Variants in GLCCI1 observed in about 807,000 individuals in gnomAD.
The protein encoded by GLCCI1 is glucocorticoid-induced transcript 1 protein.
A neutral mutation model predicts 52.2 loss-of-function variants in GLCCI1; 24 were observed. The ratio of observed to expected loss-of-function variants is 0.46; its 90% CI spans 0.33 to 0.65. GLCCI1 has a LOEUF of 0.65. Ranked by LOEUF, GLCCI1 falls within the 30% of genes least tolerant of loss-of-function variation. The probability of loss-of-function intolerance (pLI) is 0.02; values close to 1 mark genes in which losing one functional copy is unlikely to be tolerated. For missense variants in GLCCI1, 704 were observed against 701.5 expected (o/e 1.00, Z -0.04); for synonymous variants, 310 against 276.5 (o/e 1.12, Z -1.20).
Position 8,086,749 on chromosome 7 carries a change from A to C in GLCCI1, c.*211A>C, listed in dbSNP as rs1783115612. The C allele has an allele frequency of 1.8e-6, 1 of 546,696 alleles. No homozygotes were observed. Among genetic ancestry groups the C allele is most frequent in the Non-Finnish European group, 3.2e-6 (1 of 311,424 alleles). 33.9% of individuals were successfully genotyped at this position (546,696 alleles called of 1,614,324 possible). A position where few individuals can be genotyped will look rare whatever the true frequency, so the allele number is the denominator to read the frequency against. ...GTAATGCTTGCAAAACGTGTGTGTC[A>C]TTCAGCATTTTAAGTGGAGACTATG... On this transcript the variant is annotated 3_prime_UTR_variant, in exon 8 of 8. Transcript: ENST00000223145. The surrounding 1 kb of genome is among the most constrained non-coding windows in gnomAD (Gnocchi z 4.4).
intron 4 of GLCCI1, 139 bp from the exon 5 acceptor site, chr7:8,059,957 T>A (rs374206257): frequency 3.0e-6 from 2 of 668,822 alleles, no homozygotes; most frequent in Non-Finnish European, 2.5e-6. Flanking sequence ...TTTCTATATG[T>A]GCACCTGAAT....
At chr7:7,979,532 G>T (rs67343471) in intron 1 of GLCCI1, among the ~76,000 whole-genome samples, 18,250 of 151,842 alleles carry the variant, frequency 0.12, 1,860 homozygotes, top group African/African-American at 0.28. Flanking sequence ...ATATTAATTG[G>T]TTCATCCTAT....
chr7:8,030,790 A>G (rs1460090372), intron 3 of GLCCI1, among the ~76,000 whole-genome samples: 1 of 152,172 alleles, frequency 6.6e-6, no homozygotes, highest in Non-Finnish European at 1.5e-5. Flanking sequence ...AAAGGTGCTC[A>G]GCATCATTGA....
chr7:8,022,049 G>A (rs1191989777), intron 2 of GLCCI1, among the ~76,000 whole-genome samples: 1 of 152,010 alleles, frequency 6.6e-6, no homozygotes, highest in East Asian at 1.9e-4. Context: ...AGTACAATCA[G>A]CCCTCTAGCT....
chr7:8,081,247 A>C (rs879834100), intron 6 of GLCCI1, among the ~76,000 whole-genome samples: 3 of 152,142 alleles, frequency 2.0e-5, no homozygotes, highest in Non-Finnish European at 2.9e-5. Context: ...ATTAAATCAG[A>C]ATATTTCAGG....
intron 2 of GLCCI1, among the ~76,000 whole-genome samples, chr7:8,020,731 A>T (rs2127948069): frequency 6.6e-6 from 1 of 152,338 alleles, no homozygotes; most frequent in East Asian, 1.9e-4. Context: ...AGTTATAAAG[A>T]TTATGATTCT....
At chr7:8,022,099 T>G (rs1303209177) in intron 2 of GLCCI1, among the ~76,000 whole-genome samples, 1 of 152,222 alleles carries the variant, frequency 6.6e-6, no homozygotes, top group African/African-American at 2.4e-5. Context: ...ACTATTGCTT[T>G]TGAGATACTT....
intron 4 of GLCCI1, 61 bp from the exon 5 acceptor site, chr7:8,060,035 C>T: frequency 7.3e-7 from 1 of 1,376,920 alleles, no homozygotes; most frequent in Non-Finnish European, 9.9e-7. Flanking sequence ...TTACCATACT[C>T]TTTAGTTCTT....
chr7:8,003,594 T>C lies in GLCCI1; in HGVS notation c.458-314T>C, dbSNP rs535366901. ...GATACAGGGATAGCAGTTAGAAAACTGGCAGTTCAGGTGAGACATGAATGG... is the reference window on the plus strand; with the variant it reads ...GATACAGGGATAGCAGTTAGAAAACCGGCAGTTCAGGTGAGACATGAATGG... On this transcript the variant is annotated intron_variant, in intron 1 of 7. Transcript: ENST00000223145. Among the ~76,000 whole-genome samples, 26 of 152,316 alleles carry C rather than the reference T, an allele frequency of 1.7e-4. 2 individuals are homozygous for C. The South Asian group carries it at 4.4e-3, about 26-fold the overall frequency.
chr7:7,982,016 G>T (rs966990522), intron 1 of GLCCI1: 1 of 433,978 alleles, frequency 2.3e-6, no homozygotes. Flanking sequence ...TGGTCACTAC[G>T]AAGAAGAAGA....
intron 3 of GLCCI1, 33 bp downstream of exon 3, chr7:8,022,602 T>A: frequency 7.0e-7 from 1 of 1,421,556 alleles, no homozygotes; most frequent in Non-Finnish European, 9.6e-7. Flanking sequence ...CTGTAACCTG[T>A]TTTGGTCCTA....
At chr7:8,002,458 A>G (rs1475985536) in intron 1 of GLCCI1, among the ~76,000 whole-genome samples, 1 of 152,222 alleles carries the variant, frequency 6.6e-6, no homozygotes, top group Admixed American at 6.5e-5. Flanking sequence ...ATACAATTAG[A>G]GCTAAAGTAA....
intron 2 of GLCCI1, 53 bp downstream of exon 2, chr7:8,004,112 A>T (rs768349531): frequency 2.7e-6 from 4 of 1,484,440 alleles, no homozygotes; most frequent in Non-Finnish European, 3.7e-6. Context: ...TTCTGTTTTG[A>T]TCACAGTAAA....
intron 5 of GLCCI1, among the ~76,000 whole-genome samples, chr7:8,069,295 G>A (rs1380814007): frequency 1.3e-5 from 2 of 152,144 alleles, no homozygotes; most frequent in East Asian, 3.9e-4. Flanking sequence ...GGCTCAAGCT[G>A]GGGGGATCCT....
intron 1 of GLCCI1, among the ~76,000 whole-genome samples, chr7:7,998,303 G>A (rs1160243234): frequency 2.6e-5 from 4 of 151,674 alleles, no homozygotes; most frequent in African/African-American, 7.3e-5. Flanking sequence ...TGAAACCTCC[G>A]CCTTTCGGGT....
chr7:7,999,186 T>C (rs1377803934), intron 1 of GLCCI1, among the ~76,000 whole-genome samples: 1 of 151,920 alleles, frequency 6.6e-6, no homozygotes, highest in Non-Finnish European at 1.5e-5. Flanking sequence ...AAAGATTCAA[T>C]GATTAAAAAT....
intron 3 of GLCCI1, among the ~76,000 whole-genome samples, chr7:8,036,408 A>T (rs1364273083): frequency 6.6e-6 from 1 of 152,206 alleles, no homozygotes; most frequent in Non-Finnish European, 1.5e-5. Context: ...AAAAAAAATC[A>T]TGTCCAAACA....
At chr7:8,063,230 C>G (rs941149408) in intron 5 of GLCCI1, among the ~76,000 whole-genome samples, 1 of 152,082 alleles carries the variant, frequency 6.6e-6, no homozygotes, top group African/African-American at 2.4e-5. Flanking sequence ...TTCTGCCTCC[C>G]AGGTCCAAGC....
intron 3 of GLCCI1, among the ~76,000 whole-genome samples, chr7:8,024,251 T>C (rs916809131): frequency 2.6e-5 from 4 of 152,368 alleles, no homozygotes; most frequent in South Asian, 2.1e-4. Context: ...ATTTTACTTA[T>C]GATTGTATTA....
Sources: gnomAD v4.1 joint callset for allele counts (sites outside exome capture counted in the v4.1 genomes callset) on GRCh38, gnomAD v4.1.1 for gene constraint, Gnocchi (gnomAD v3.1) non-coding constraint, MANE v1.5 for transcripts, NCBI Gene and HGNC (gene_info 2026-07-23, HGNC 2026-07-21) for gene names.